The following TANC1 variants were observed in gnomAD, a reference collection of about 807,000 sequenced individuals.
The protein encoded by TANC1 is protein TANC1.
A neutral mutation model predicts 149.7 loss-of-function variants in TANC1; 77 were observed. The observed-to-expected ratio is 0.51, with a 90% CI of 0.43 to 0.62. TANC1 has a LOEUF of 0.62. TANC1 is among the 20% of genes least tolerant of loss of function. The pLI is 0.00. For synonymous variants in TANC1, 854 were observed against 925.0 expected (o/e 0.92, Z 1.39); for missense variants, 1,985 against 2,321.8 (o/e 0.85, Z 2.98).
chr2:159,126,093 A>G (rs1305182207), intron 4 of TANC1, among the ~76,000 whole-genome samples: 1 of 152,152 alleles, frequency 6.6e-6, no homozygotes, highest in Non-Finnish European at 1.5e-5. Flanking sequence ...TTACCCAGAT[A>G]ATCCAGGATA....
intron 1 of TANC1, among the ~76,000 whole-genome samples, chr2:158,973,435 G>T (rs2033193254): frequency 6.6e-6 from 1 of 152,184 alleles, no homozygotes; most frequent in Non-Finnish European, 1.5e-5. Flanking sequence ...TGCAAAAATG[G>T]GATCCTCTGT....
chr2:158,970,704 G>A (rs1306174556), intron 1 of TANC1, among the ~76,000 whole-genome samples: 1 of 152,218 alleles, frequency 6.6e-6, no homozygotes, highest in Non-Finnish European at 1.5e-5. Flanking sequence ...CCTGTTACCT[G>A]CCAAGTGAAC....
chr2:159,098,421 C>T (rs753591651), intron 4 of TANC1, among the ~76,000 whole-genome samples: 1 of 152,168 alleles, frequency 6.6e-6, no homozygotes, highest in Non-Finnish European at 1.5e-5. Context: ...GACAAAATCA[C>T]CTAATGACGC....
chr2:159,122,945 C>T (rs2049011880), intron 4 of TANC1, among the ~76,000 whole-genome samples: 1 of 152,026 alleles, frequency 6.6e-6, no homozygotes, highest in Non-Finnish European at 1.5e-5. Context: ...CAAGCTGGCC[C>T]TTTTAATGGT....
chr2:159,100,760 T>C (rs2046604414), intron 4 of TANC1, among the ~76,000 whole-genome samples: 1 of 152,216 alleles, frequency 6.6e-6, no homozygotes, highest in Non-Finnish European at 1.5e-5. Context: ...AGTGACTCAA[T>C]ACATCAAATG....
chr2:158,981,675 A>G (rs1006885939), intron 1 of TANC1, among the ~76,000 whole-genome samples: 2 of 151,424 alleles, frequency 1.3e-5, no homozygotes, highest in African/African-American at 4.8e-5. Flanking sequence ...TGTTTTCAGT[A>G]TATCTTGAGA....
intron 19 of TANC1, among the ~76,000 whole-genome samples, chr2:159,208,711 T>A (rs1364884753): frequency 6.6e-6 from 1 of 152,228 alleles, no homozygotes; most frequent in Admixed American, 6.5e-5. Flanking sequence ...CATTGGGAGA[T>A]CTGGCCCTCC....
In TANC1 at chr2:159,065,957, G is replaced by A; in HGVS notation, c.47G>A (p.Gly16Asp). Residue 16 changes from glycine to aspartate, a missense_variant, in exon 3 of 27, where the codon GGC (glycine) becomes GAC (aspartate). Physicochemically the swap from Gly to Asp is moderately conservative, Grantham distance 94. Coordinates refer to ENST00000263635, the MANE Select transcript of TANC1 (RefSeq NM_033394.3). ...AAGAGCCGAGAGGGAGGAAAGGGAG[G>A]CAAGAAGGAAGCAGGTATGTGTGCA... ...LKKSREGGKG[G>D]KKEAGSDFGP... is the part of the protein sequence containing the mutation. The A allele has an allele frequency of 6.2e-7, 1 of 1,613,612 alleles. No individual in the cohort carries two copies. Among genetic ancestry groups the A allele is most frequent in the Non-Finnish European group, 8.5e-7 (1 of 1,179,494 alleles).
Position 159,170,810 on chromosome 2 carries a change from G to C in TANC1, c.1351+5G>C. On this transcript the variant is annotated splice_donor_5th_base_variant and intron_variant, in intron 10 of 26. Coordinates refer to ENST00000263635, the MANE Select transcript of TANC1 (RefSeq NM_033394.3). Reference sequence around the variant, plus strand: ...GCCCGGGTTCATCACCTAAAAGTACGTGCATGTTTAATTACTTGTCTAGTT... The same window carrying C: ...GCCCGGGTTCATCACCTAAAAGTACCTGCATGTTTAATTACTTGTCTAGTT... The C allele has an allele frequency of 6.2e-7, 1 of 1,610,796 alleles. No individual in the cohort carries two copies. Among genetic ancestry groups the C allele is most frequent in the Non-Finnish European group, 8.5e-7 (1 of 1,177,132 alleles).
chr2:159,181,550 G>T (rs2056478964), intron 14 of TANC1, among the ~76,000 whole-genome samples: 1 of 152,178 alleles, frequency 6.6e-6, no homozygotes, highest in African/African-American at 2.4e-5. Flanking sequence ...GCCCGCCTCG[G>T]CCTCCCAGAG....
chr2:159,008,264 A>G (rs1175153121), intron 2 of TANC1, among the ~76,000 whole-genome samples: 1 of 152,224 alleles, frequency 6.6e-6, no homozygotes, highest in Non-Finnish European at 1.5e-5. Context: ...AGTCCAGGTC[A>G]TTACTTGCAA....
chr2:159,207,221 G>A (rs535364683), intron 19 of TANC1, among the ~76,000 whole-genome samples: 1 of 152,350 alleles, frequency 6.6e-6, no homozygotes, highest in South Asian at 2.1e-4. Context: ...ATGCCATGTG[G>A]CCAGAATTAG....
chr2:159,137,529 T>C (rs2050889645), intron 5 of TANC1, among the ~76,000 whole-genome samples: 1 of 152,208 alleles, frequency 6.6e-6, no homozygotes, highest in South Asian at 2.1e-4. Context: ...TGAGGATTTG[T>C]GCACACCGAA....
chr2:159,178,631 C>G lies in TANC1; in HGVS notation c.1978C>G (p.Leu660Val). Residue 660 changes from leucine to valine, a missense_variant, in exon 14 of 27, where the codon CTG (leucine) becomes GTG (valine). By Grantham distance (32) the Leu-to-Val change is conservative. Transcript: ENST00000263635. ...FPDNKDIHSD[L>V]HAYVQHRVHS... ...AGACAACAAAGACATCCACAGTGAC[C>G]TGCACGCCTACGTCCAGCACAGGGT... 6.2e-7 allele frequency: 1 copy of G among 1,613,976 alleles called. No homozygotes were observed. Among genetic ancestry groups the G allele is most frequent in the Non-Finnish European group, 8.5e-7 (1 of 1,179,938 alleles).
intron 4 of TANC1, among the ~76,000 whole-genome samples, chr2:159,126,192 T>C (rs1005350921): frequency 6.6e-6 from 1 of 152,168 alleles, no homozygotes. Flanking sequence ...GATTCAGTAA[T>C]GAGGGGATGG....
chr2:159,007,143 T>TTG (rs1559124758), intron 2 of TANC1, among the ~76,000 whole-genome samples: 1 of 143,338 alleles, frequency 7.0e-6, no homozygotes, highest in African/African-American at 2.6e-5. Context: ...ATACTGTTTT[T>TTG]TTTTTTTTTT....
chr2:159,004,019 C>T (rs1328012638), intron 2 of TANC1: 2 of 1,612,318 alleles, frequency 1.2e-6, no homozygotes, highest in Non-Finnish European at 1.7e-6. Flanking sequence ...AAGAGGTGAA[C>T]ATGATTAAAG....
At position 159,225,687 on chromosome 2, in the gene TANC1, G is replaced by T; in HGVS notation, c.3812-1G>T. On this transcript the variant is annotated splice_acceptor_variant, in intron 23 of 26. Coordinates refer to ENST00000263635, the MANE Select transcript of TANC1 (RefSeq NM_033394.3). LOFTEE classifies it high-confidence loss of function. ...CCTCTGAATGCGTGTTTGTTTTGCAGGAAATGCTGCTTGGGCGATGGCCAC... is the reference window on the plus strand; with the variant it reads ...CCTCTGAATGCGTGTTTGTTTTGCATGAAATGCTGCTTGGGCGATGGCCAC... 2 of 1,613,742 alleles carry T rather than the reference G, an allele frequency of 1.2e-6. No individual in the cohort carries two copies. The highest frequency in any genetic ancestry group is 1.7e-6 in the Non-Finnish European group (2 of 1,179,614).
rs2060283257 is a variant in TANC1 at position 159,230,534 on chromosome 2, A to G, written c.5108A>G (p.Asp1703Gly). Residue 1703 changes from aspartate to glycine, a missense_variant, in exon 27 of 27, where the codon GAC becomes GGC. By Grantham distance (94) the Asp-to-Gly change is moderately conservative. Coordinates refer to ENST00000263635, the MANE Select transcript of TANC1 (RefSeq NM_033394.3). The surrounding 1 kb of genome is among the most constrained non-coding windows in gnomAD (Gnocchi z 4.4). ...CAAGGACCAGATACTAGAATTAAAG[A>G]CAAGGTTGTAACCCACGTTCAGAGC... is the stretch of plus-strand genomic sequence containing the variant. Reference protein sequence around the residue: ...KVQGPDTRIKDKVVTHVQSGT... With the variant: ...KVQGPDTRIKGKVVTHVQSGT... The G allele has an allele frequency of 6.2e-7, 1 of 1,614,214 alleles. No individual in the cohort carries two copies. Among genetic ancestry groups the G allele is most frequent in the East Asian group, 2.2e-5 (1 of 44,884 alleles).
Sources: allele counts gnomAD v4.1 joint callset (sites outside exome capture counted in the v4.1 genomes callset), GRCh38; gene constraint gnomAD v4.1.1; non-coding constraint Gnocchi (gnomAD v3.1); transcripts MANE v1.5; gene names NCBI Gene and HGNC (gene_info 2026-07-23, HGNC 2026-07-21).